The following MCUB variants were observed in gnomAD, a reference collection of about 807,000 sequenced individuals.
MCUB encodes the protein mitochondrial calcium uniporter dominant negative subunit beta.
Under a neutral mutation model 41.4 loss-of-function variants are expected in MCUB, and 46 were observed. The ratio of observed to expected loss-of-function variants is 1.11; its 90% CI spans 0.88 to 1.42. MCUB has a LOEUF of 1.42. MCUB is among the 40% of genes most tolerant of loss of function. The pLI is 0.00. For missense variants in MCUB, 403 were observed against 404.9 expected, an observed-to-expected ratio of 1.00 and a Z score of 0.04; for synonymous variants, 148 against 148.2, an observed-to-expected ratio of 1.00 and a Z score of 0.01.
At chr4:109,580,598 T>C (rs1271458298) in intron 1 of MCUB, among the ~76,000 whole-genome samples, 1 of 152,218 alleles carries the variant, frequency 6.6e-6, no homozygotes. Flanking sequence ...GGCATCTCAT[T>C]GTGGTTTTGA....
At chr4:109,634,200 A>T (rs997649358) in intron 1 of MCUB, among the ~76,000 whole-genome samples, 6 of 151,956 alleles carry the variant, frequency 3.9e-5, no homozygotes, top group African/African-American at 1.2e-4. Flanking sequence ...GTCTCCATGC[A>T]GGCCAGGCAC....
At chr4:109,597,687 G>A (rs1386112416) in intron 1 of MCUB, among the ~76,000 whole-genome samples, 1 of 137,152 alleles carries the variant, frequency 7.3e-6, no homozygotes, top group African/African-American at 2.8e-5. Flanking sequence ...GCGGGGGGCT[G>A]ACCCCCCACC....
At chr4:109,595,356 CA>C (rs1727529937) in intron 1 of MCUB, among the ~76,000 whole-genome samples, 1 of 152,124 alleles carries the variant, frequency 6.6e-6, no homozygotes, top group South Asian at 2.1e-4. Context: ...AAGAGCATGT[CA>C]GGGGTGGTGG....
intron 1 of MCUB, among the ~76,000 whole-genome samples, chr4:109,562,039 C>G (rs1190432039): frequency 1.3e-5 from 2 of 152,194 alleles, no homozygotes; most frequent in Non-Finnish European, 2.9e-5. Context: ...GGGTGAGCCA[C>G]CGCGACCAGC....
At chr4:109,573,101 C>G (rs988994888) in intron 1 of MCUB, among the ~76,000 whole-genome samples, 6 of 152,148 alleles carry the variant, frequency 3.9e-5, no homozygotes, top group African/African-American at 1.2e-4. Context: ...TATTCTCATC[C>G]TACACTGCAC....
chr4:109,658,895 T>A (rs1423681726), intron 1 of MCUB, 116 bp from the exon 2 acceptor site: 2 of 709,450 alleles, frequency 2.8e-6, no homozygotes, highest in Non-Finnish European at 4.8e-6. Context: ...ACAAGTTGAG[T>A]TTTTCATTAT....
At chr4:109,561,326 G>A (rs1726629505) in intron 1 of MCUB, among the ~76,000 whole-genome samples, 1 of 152,198 alleles carries the variant, frequency 6.6e-6, no homozygotes, top group African/African-American at 2.4e-5. Context: ...AAAGTAAGCA[G>A]TGTGATTCTC....
intron 1 of MCUB, among the ~76,000 whole-genome samples, chr4:109,629,452 A>T (rs945781513): frequency 5.3e-5 from 8 of 152,174 alleles, no homozygotes; most frequent in Non-Finnish European, 8.8e-5. Flanking sequence ...CAATCAGTTA[A>T]TTCTGCAATG....
At chr4:109,627,192 C>A (rs1157219048) in intron 1 of MCUB, among the ~76,000 whole-genome samples, 2 of 151,510 alleles carry the variant, frequency 1.3e-5, no homozygotes, top group Non-Finnish European at 2.9e-5. Flanking sequence ...ATACTTTATG[C>A]CCAAATAAAT....
intron 4 of MCUB, among the ~76,000 whole-genome samples, chr4:109,670,631 G>A (rs1354610231): frequency 6.6e-6 from 1 of 151,680 alleles, no homozygotes; most frequent in Non-Finnish European, 1.5e-5. Flanking sequence ...CAGGAGAATC[G>A]CTTGAACCCG....
At chr4:109,590,941 T>G (rs1418180770) in intron 1 of MCUB, among the ~76,000 whole-genome samples, 1 of 152,206 alleles carries the variant, frequency 6.6e-6, no homozygotes, top group African/African-American at 2.4e-5. Flanking sequence ...TTGGTATGCA[T>G]GCACCCACAT....
chr4:109,567,720 A>T (rs971916529), intron 1 of MCUB, among the ~76,000 whole-genome samples: 1 of 151,150 alleles, frequency 6.6e-6, no homozygotes, highest in African/African-American at 2.4e-5. Flanking sequence ...TTATTTTGAG[A>T]TGGAGTCTTG....
chr4:109,574,480 A>G (rs1046784465), intron 1 of MCUB, among the ~76,000 whole-genome samples: 18 of 152,192 alleles, frequency 1.2e-4, no homozygotes, highest in Admixed American at 2.0e-4. Context: ...GAAGCCATCT[A>G]TATCTATGCA....
At chr4:109,633,678 A>G (rs1278007545) in intron 1 of MCUB, among the ~76,000 whole-genome samples, 1 of 152,216 alleles carries the variant, frequency 6.6e-6, no homozygotes. Context: ...AGAGTTGCCA[A>G]CTGTGCTACC....
intron 1 of MCUB, among the ~76,000 whole-genome samples, chr4:109,621,950 T>G (rs1485413875): frequency 5.9e-5 from 9 of 152,122 alleles, no homozygotes; most frequent in Admixed American, 5.9e-4. Flanking sequence ...GGCATGATCT[T>G]GGTTCACTGC....
intron 4 of MCUB, among the ~76,000 whole-genome samples, chr4:109,665,049 G>A (rs58215081): frequency 0.05 from 7,672 of 152,106 alleles, 677 homozygotes; most frequent in African/African-American, 0.18. Flanking sequence ...GCCCCTTATT[G>A]TCAATATCCC....
At chr4:109,639,356 T>C (rs892624099) in intron 1 of MCUB, among the ~76,000 whole-genome samples, 2 of 151,934 alleles carry the variant, frequency 1.3e-5, no homozygotes, top group African/African-American at 2.4e-5. Flanking sequence ...AATCCTTTTT[T>C]TTTTTTCCCC....
chr4:109,625,275 G>T (rs1346184299), intron 1 of MCUB, among the ~76,000 whole-genome samples: 1 of 152,170 alleles, frequency 6.6e-6, no homozygotes, highest in Non-Finnish European at 1.5e-5. Flanking sequence ...CATCAGAAGA[G>T]AAATTAATGA....
intron 4 of MCUB, among the ~76,000 whole-genome samples, chr4:109,665,408 T>C (rs531612362): frequency 6.6e-6 from 1 of 152,222 alleles, no homozygotes; most frequent in East Asian, 1.9e-4. Flanking sequence ...GGTTTCCTTA[T>C]AGTTGTTTCA....
Sources: gnomAD v4.1 joint callset for allele counts (sites outside exome capture counted in the v4.1 genomes callset) on GRCh38, gnomAD v4.1.1 for gene constraint, MANE v1.5 for transcripts, NCBI Gene and HGNC (gene_info 2026-07-23, HGNC 2026-07-21) for gene names.